The following PANK4 variants were observed in gnomAD, a reference collection of about 807,000 sequenced individuals.
PANK4 encodes the protein 4'-phosphopantetheine phosphatase.
A neutral mutation model predicts 87.9 loss-of-function variants in PANK4; 40 were observed. The ratio of observed to expected loss-of-function variants is 0.46; its 90% CI spans 0.35 to 0.59. The LOEUF (loss-of-function observed/expected upper bound fraction) is 0.59, where lower values mean the gene tolerates loss of function less well. Among genes scored for constraint, PANK4 ranks in the 20% least tolerant of loss-of-function variants. The pLI is 0.00. For synonymous variants in PANK4, 524 were observed against 467.4 expected (o/e 1.12, Z -1.56); for missense variants, 926 against 1,072.3 (o/e 0.86, Z 1.90).
chr1:2,523,277 C>T (rs1643893475), intron 1 of PANK4, among the ~76,000 whole-genome samples: 1 of 152,150 alleles, frequency 6.6e-6, no homozygotes, highest in Non-Finnish European at 1.5e-5. Context: ...GGCTGGCGTA[C>T]AGTCTGGTGG....
Position 2,508,671 on chromosome 1 carries a change from C to T in PANK4, c.*176G>A. On this transcript the variant is annotated 3_prime_UTR_variant, in exon 19 of 19. Coordinates refer to ENST00000378466, the MANE Select transcript of PANK4 (RefSeq NM_018216.4). This position sits in a 1 kb window ranked among gnomAD's most constrained non-coding sequence, Gnocchi z 5.1. ...GTTAAATAGATTCCAATATGAACGT[C>T]TCCCAGGACAAAGCTGCGTCTCGCC... The T allele has an allele frequency of 1.8e-6, 1 of 563,464 alleles. No homozygotes were observed. Among genetic ancestry groups the T allele is most frequent in the East Asian group, 2.9e-5 (1 of 34,794 alleles). The allele number at this position is 563,464 out of a possible 1,614,324, so 34.9% of individuals were successfully genotyped here.
intron 1 of PANK4, among the ~76,000 whole-genome samples, chr1:2,523,067 G>A (rs893926449): frequency 3.3e-5 from 5 of 152,068 alleles, no homozygotes; most frequent in Non-Finnish European, 7.4e-5. Context: ...GAGTAATGAG[G>A]CTAAAGTTAT....
chr1:2,521,617 C>A, intron 2 of PANK4, 101 bp downstream of exon 2: 2 of 958,512 alleles, frequency 2.1e-6, no homozygotes, highest in South Asian at 2.6e-5. Context: ...ACACTAAAGT[C>A]GAGGTCTGCA....
rs765591969 is a variant in PANK4 at position 2,520,747 on chromosome 1, G to A, written c.582C>T (p.Ile194=). The change falls in exon 4 of 19, where the codon ATC becomes ATT. Residue 194 remains isoleucine, a synonymous_variant. Coordinates refer to ENST00000378466, the MANE Select transcript of PANK4 (RefSeq NM_018216.4). This position sits in a 1 kb window ranked among gnomAD's most constrained non-coding sequence, Gnocchi z 6.2. ...CCTTCACGATGGAGACTCCAGAGCC[G>A]ATATTGACAAGAAGATAGGGGAAAA... is the stretch of plus-strand genomic sequence containing the variant. ...PHIFPYLLVN[I]GSGVSIVKVE... 7 of 1,613,338 alleles carry A rather than the reference G, an allele frequency of 4.3e-6. No individual in the cohort carries two copies. Among genetic ancestry groups the A allele is most frequent in the East Asian group, 4.5e-5 (2 of 44,880 alleles).
At position 2,509,744 on chromosome 1, in the gene PANK4, A is replaced by C; in HGVS notation, c.2108+118T>G. The stretch of plus-strand genomic sequence containing the variant: ...CTGAGATCAATCCGGGCCTGGGGTC[A>C]GGAGAGGCCGCAGGGGCAGTCCTGA... On this transcript the variant is annotated intron_variant, in intron 18 of 18. Coordinates refer to ENST00000378466, the MANE Select transcript of PANK4 (RefSeq NM_018216.4). This position sits in a 1 kb window ranked among gnomAD's most constrained non-coding sequence, Gnocchi z 4.9. The C allele has an allele frequency of 1.2e-6, 1 of 854,492 alleles. No individual in the cohort carries two copies. The highest frequency in any genetic ancestry group is 2.1e-5 in the Admixed American group (1 of 48,580). 52.9% of individuals were successfully genotyped at this position (854,492 alleles called of 1,614,324 possible).
rs1557446603 is a variant in PANK4 at position 2,520,699 on chromosome 1, T to C, written c.606+24A>G. 1 of 1,601,488 alleles carries C rather than the reference T, an allele frequency of 6.2e-7. No homozygotes were observed. Among genetic ancestry groups the C allele is most frequent in the Non-Finnish European group, 8.5e-7 (1 of 1,170,854 alleles). On this transcript the variant is annotated intron_variant, in intron 4 of 18. Transcript: ENST00000378466. The surrounding 1 kb of genome is among the most constrained non-coding windows in gnomAD (Gnocchi z 6.2). ...AAACTATGGCTAAACCATCCACTCATTCATTCATGAAGCCGGGTCTTACCT... is the reference window on the plus strand; with the variant it reads ...AAACTATGGCTAAACCATCCACTCACTCATTCATGAAGCCGGGTCTTACCT...
chr1:2,518,995 G>A (rs1245282014), intron 7 of PANK4, 148 bp downstream of exon 7: 10 of 729,874 alleles, frequency 1.4e-5, no homozygotes, highest in Non-Finnish European at 2.0e-5. Flanking sequence ...AGGCTGCCCA[G>A]AATCAGTCAG....
At position 2,508,827 on chromosome 1, in the gene PANK4, A is replaced by G. The variant is rs1176027704; in HGVS notation, c.*20T>C. The G allele has an allele frequency of 7.1e-7, 1 of 1,410,940 alleles. No individual in the cohort carries two copies. The highest frequency in any genetic ancestry group is 1.8e-5 in the Admixed American group (1 of 55,346). 87.4% of individuals were successfully genotyped at this position (1,410,940 alleles called of 1,614,324 possible). A position where few individuals can be genotyped will look rare whatever the true frequency, so the allele number is the denominator to read the frequency against. Reference sequence around the variant, plus strand: ...ATTCCTGACAAGTGACAAGCAGAAGAGTCCGGCAGCTGCAGCGCCTCACTC... The same window carrying G: ...ATTCCTGACAAGTGACAAGCAGAAGGGTCCGGCAGCTGCAGCGCCTCACTC... On this transcript the variant is annotated 3_prime_UTR_variant, in exon 19 of 19. Transcript: ENST00000378466. This position sits in a 1 kb window ranked among gnomAD's most constrained non-coding sequence, Gnocchi z 5.1.
In PANK4 at chr1:2,509,030, C is replaced by T. The variant is rs776621029; in HGVS notation, c.2139G>A (p.Val713=). The T allele has an allele frequency of 1.1e-5, 18 of 1,602,134 alleles. No individual in the cohort carries two copies. Among genetic ancestry groups the T allele is most frequent in the African/African-American group, 2.7e-5 (2 of 74,896 alleles). ...SRLDKGLAAL[V]RERGADLVVI... is the part of the protein sequence containing the mutation. ...CCACCAGATCCGCGCCACGCTCCCG[C>T]ACCAGTGCGGCCAGCCCCTTATCCA... Residue 713 remains valine, a synonymous_variant, in exon 19 of 19, where the codon GTG becomes GTA. Coordinates refer to ENST00000378466, the MANE Select transcript of PANK4 (RefSeq NM_018216.4). This position sits in a 1 kb window ranked among gnomAD's most constrained non-coding sequence, Gnocchi z 4.9.
intron 1 of PANK4, among the ~76,000 whole-genome samples, chr1:2,523,376 G>C (rs956335793): frequency 6.6e-6 from 1 of 152,182 alleles, no homozygotes; most frequent in Non-Finnish European, 1.5e-5. Flanking sequence ...CGGGCCCGGA[G>C]AGTCTCACTA....
chr1:2,511,136 A>C (rs1291268587), intron 15 of PANK4, among the ~76,000 whole-genome samples: 1 of 152,224 alleles, frequency 6.6e-6, no homozygotes, highest in African/African-American at 2.4e-5. Context: ...CTTTGTGCCT[A>C]GAGCAGGTGA....
Position 2,518,501 on chromosome 1 carries a change from A to T in PANK4, c.1117+15T>A. The T allele has an allele frequency of 1.3e-6, 2 of 1,552,754 alleles. No individual in the cohort carries two copies. Among genetic ancestry groups the T allele is most frequent in the Non-Finnish European group, 1.7e-6 (2 of 1,146,786 alleles). ...AGGCCCCACGCTGCTCAGGGGCGCC[A>T]GCACCGCGACTCACTGTCCTGCTCA... is the stretch of plus-strand genomic sequence containing the variant. On this transcript the variant is annotated intron_variant, in intron 8 of 18. Coordinates refer to ENST00000378466, the MANE Select transcript of PANK4 (RefSeq NM_018216.4).
intron 1 of PANK4, 128 bp downstream of exon 1, chr1:2,526,336 G>A (rs80156130): frequency 4.8e-6 from 2 of 413,194 alleles, no homozygotes; most frequent in South Asian, 1.8e-4. Flanking sequence ...CGGACTACAA[G>A]GCCCGTGAGG....
At chr1:2,514,257 G>C (rs978336021) in intron 11 of PANK4, 97 bp downstream of exon 11, 16 of 1,162,326 alleles carry the variant, frequency 1.4e-5, no homozygotes, top group Non-Finnish European at 2.1e-5. Flanking sequence ...CCCCCAGCGA[G>C]CTGGGGTCCG....
At chr1:2,518,454 G>T in intron 8 of PANK4, 62 bp downstream of exon 8, 1 of 1,412,188 alleles carries the variant, frequency 7.1e-7, no homozygotes, top group Non-Finnish European at 9.8e-7. Context: ...CTGGCCTGGA[G>T]CACAGGCCCA....
chr1:2,521,634 G>T, intron 2 of PANK4, 84 bp downstream of exon 2: 2 of 1,075,434 alleles, frequency 1.9e-6, no homozygotes, highest in Non-Finnish European at 2.9e-6. Context: ...TGCAGCAGCA[G>T]AGGGATGACT....
rs1359870539 is a variant in PANK4, at chr1:2,508,595, T to C, written c.*252A>G. ...GGTGCTGCGTCCCGTCAGACATACC[T>C]GTATAGATCTCTCTATTTATATATA... On this transcript the variant is annotated 3_prime_UTR_variant, in exon 19 of 19. Coordinates refer to ENST00000378466, the MANE Select transcript of PANK4 (RefSeq NM_018216.4). The surrounding 1 kb of genome is among the most constrained non-coding windows in gnomAD (Gnocchi z 5.1). 4.8e-6 allele frequency: 1 copy of C among 209,972 alleles called. No individual in the cohort carries two copies. The highest frequency in any genetic ancestry group is 8.7e-6 in the Non-Finnish European group (1 of 114,432). The allele number at this position is 209,972 out of a possible 1,614,324, so 13.0% of individuals were successfully genotyped here.
At chr1:2,513,141 C>G (rs891661782) in intron 12 of PANK4, 102 bp from the exon 13 acceptor site, 2 of 1,326,590 alleles carry the variant, frequency 1.5e-6, no homozygotes, top group East Asian at 2.4e-5. Flanking sequence ...CCCTCAGGAT[C>G]GAAGACTCAG....
In PANK4 at chr1:2,517,978, G is replaced by A. The variant is rs189434354; in HGVS notation, c.1218+186C>T. Among the ~76,000 whole-genome samples the A allele has an allele frequency of 2.0e-4, 30 of 152,370 alleles. No individual in the cohort carries two copies. In the East Asian group the frequency reaches 5.0e-3, roughly 25 times the overall value. On this transcript the variant is annotated intron_variant, in intron 9 of 18. Transcript: ENST00000378466. The stretch of plus-strand genomic sequence containing the variant: ...TACGAAAGCACCCAATGAGGGAGAT[G>A]GGAAAGCAAGCCACAGTGTCCTTCT...
Sources: gnomAD v4.1 joint callset for allele counts (sites outside exome capture counted in the v4.1 genomes callset) on GRCh38, gnomAD v4.1.1 for gene constraint, Gnocchi (gnomAD v3.1) non-coding constraint, MANE v1.5 for transcripts, NCBI Gene and HGNC (gene_info 2026-07-23, HGNC 2026-07-21) for gene names.